WWOX: variants seen among roughly 807,000 people sequenced by gnomAD.
WWOX encodes the protein WW domain containing oxidoreductase.
In WWOX, 69 loss-of-function variants were observed where a neutral mutation model predicts 46.2. The ratio of observed to expected loss-of-function variants is 1.49; its 90% CI spans 1.23 to 1.82. WWOX has a LOEUF of 1.82. Among genes scored for constraint, WWOX ranks in the 40% most tolerant of loss-of-function variants. The pLI is 0.00. For missense variants in WWOX, 919 were observed against 542.6 expected, an observed-to-expected ratio of 1.69 and a Z score of -6.89; for synonymous variants, 359 against 202.6, an observed-to-expected ratio of 1.77 and a Z score of -6.56.
intron 8 of WWOX, among the ~76,000 whole-genome samples, chr16:78,741,009 T>G (rs1205717929): frequency 6.6e-6 from 1 of 152,254 alleles, no homozygotes; most frequent in South Asian, 2.1e-4. Context: ...CTAAGTGGGA[T>G]ACACCACGAT....
At position 78,220,695 on chromosome 16, in the gene WWOX, T is replaced by C. The variant is rs546838877; in HGVS notation, c.516+56406T>C. Among the ~76,000 whole-genome samples, 4 of 152,326 alleles carry C rather than the reference T, an allele frequency of 2.6e-5. No individual in the cohort carries two copies. In the South Asian group the frequency reaches 8.3e-4, roughly 32 times the overall value. Reference sequence around the variant, plus strand: ...AGTGAACCATTTACTTTTCTTTTAATGTGGAAAGCAGTTTACAAATGCTGG... The same window carrying C: ...AGTGAACCATTTACTTTTCTTTTAACGTGGAAAGCAGTTTACAAATGCTGG... On this transcript the variant is annotated intron_variant, in intron 5 of 8. Coordinates refer to ENST00000566780, the MANE Select transcript of WWOX (RefSeq NM_016373.4).
intron 8 of WWOX, among the ~76,000 whole-genome samples, chr16:78,934,753 A>G (rs1159887521): frequency 6.6e-6 from 1 of 152,128 alleles, no homozygotes; most frequent in African/African-American, 2.4e-5. Flanking sequence ...GACATGATAA[A>G]AAATGTGTTC....
At chr16:78,418,144 A>C (rs553544647) in intron 6 of WWOX, among the ~76,000 whole-genome samples, 37 of 151,914 alleles carry the variant, frequency 2.4e-4, no homozygotes, top group Admixed American at 2.3e-3. Context: ...GTGGATCACG[A>C]GGTCAGGAGG....
intron 8 of WWOX, among the ~76,000 whole-genome samples, chr16:79,082,303 G>A (rs759028439): frequency 6.6e-6 from 1 of 152,312 alleles, no homozygotes; most frequent in East Asian, 1.9e-4. Flanking sequence ...ACCCGTTTCT[G>A]CTTCTTCCCA....
At position 79,102,708 on chromosome 16, in the gene WWOX, C is replaced by T. The variant is rs959943731; in HGVS notation, c.1057-108900C>T. On this transcript the variant is annotated intron_variant, in intron 8 of 8. Coordinates refer to ENST00000566780, the MANE Select transcript of WWOX (RefSeq NM_016373.4). ...ATAAAGATGTCAAGTCTTTTGGACA[C>T]AATCCTAATATCTCGGAGGTTCTGA... Among the ~76,000 whole-genome samples the T allele has an allele frequency of 9.2e-5, 14 of 151,988 alleles. 1 individual carries two copies. The highest frequency in any genetic ancestry group is 8.5e-4 in the Admixed American group (13 of 15,270).
At chr16:78,554,250 A>G (rs995598354) in intron 8 of WWOX, among the ~76,000 whole-genome samples, 1 of 152,138 alleles carries the variant, frequency 6.6e-6, no homozygotes, top group Non-Finnish European at 1.5e-5. Flanking sequence ...GAAGAGAAGA[A>G]CTGTCAAGAT....
At chr16:78,678,773 T>G (rs28685224) in intron 8 of WWOX, among the ~76,000 whole-genome samples, 286 of 152,288 alleles carry the variant, frequency 1.9e-3, no homozygotes, top group African/African-American at 6.8e-3. Flanking sequence ...AGATCTCTTC[T>G]TGTGCGTGGC....
chr16:78,184,378 A>C (rs929539803), intron 5 of WWOX, among the ~76,000 whole-genome samples: 6 of 152,194 alleles, frequency 3.9e-5, no homozygotes, highest in African/African-American at 1.4e-4. Context: ...TGACCTCATT[A>C]TCATCATGCT....
At position 78,479,071 on chromosome 16, in the gene WWOX, G is replaced by T. The variant is rs530640198; in HGVS notation, c.1056+46319G>T. On this transcript the variant is annotated intron_variant, in intron 8 of 8. Transcript: ENST00000566780. ...GGCTTCCTAAAATATAAGTAAGTCAGATTTAGCATTACTGTTTTCCTGAAT... is the reference window on the plus strand; with the variant it reads ...GGCTTCCTAAAATATAAGTAAGTCATATTTAGCATTACTGTTTTCCTGAAT... 2.0e-5 allele frequency among the ~76,000 whole-genome samples: 3 copies of T among 152,194 alleles called. No individual in the cohort carries two copies. The South Asian group carries it at 6.2e-4, about 32-fold the overall frequency.
At chr16:78,704,569 A>G (rs1261053220) in intron 8 of WWOX, among the ~76,000 whole-genome samples, 1 of 152,204 alleles carries the variant, frequency 6.6e-6, no homozygotes, top group African/African-American at 2.4e-5. Flanking sequence ...TCTAATCCAT[A>G]AAAGCCGTTT....
intron 8 of WWOX, among the ~76,000 whole-genome samples, chr16:79,033,847 A>T (rs138048559): frequency 7.0e-4 from 106 of 152,308 alleles, no homozygotes; most frequent in African/African-American, 2.5e-3. Context: ...TGACTTATTT[A>T]TGATACTGGA....
intron 8 of WWOX, among the ~76,000 whole-genome samples, chr16:79,122,578 C>G (rs1274487202): frequency 6.6e-6 from 1 of 151,514 alleles, no homozygotes; most frequent in Non-Finnish European, 1.5e-5. Flanking sequence ...TTCTTTCCCT[C>G]TCTCTTTCTC....
intron 6 of WWOX, among the ~76,000 whole-genome samples, chr16:78,414,466 G>A (rs1045789279): frequency 5.6e-4 from 85 of 152,322 alleles, no homozygotes; most frequent in African/African-American, 2.0e-3. Flanking sequence ...CTACTCAGGA[G>A]GTTGAGGCAC....
intron 8 of WWOX, among the ~76,000 whole-genome samples, chr16:79,120,969 A>G (rs1459534096): frequency 1.3e-5 from 2 of 152,122 alleles, no homozygotes; most frequent in Admixed American, 1.3e-4. Flanking sequence ...AGGTTTCACC[A>G]TGTTGGCCAG....
chr16:78,816,205 G>A (rs184848388), intron 8 of WWOX, among the ~76,000 whole-genome samples: 2 of 152,268 alleles, frequency 1.3e-5, no homozygotes, highest in Admixed American at 6.5e-5. Flanking sequence ...AAGAATTGAT[G>A]TAAAATTTGG....
chr16:78,596,726 G>T (rs188130533), intron 8 of WWOX, among the ~76,000 whole-genome samples: 1 of 152,174 alleles, frequency 6.6e-6, no homozygotes, highest in Admixed American at 6.6e-5. Context: ...GAAAGTAAGC[G>T]AAGCCCTTTC....
chr16:78,865,251 C>G (rs1231973249), intron 8 of WWOX, among the ~76,000 whole-genome samples: 4 of 152,018 alleles, frequency 2.6e-5, no homozygotes, highest in Non-Finnish European at 5.9e-5. Flanking sequence ...TTACTCTCTT[C>G]CTTTATTTTT....
At chr16:78,792,241 C>T (rs370597326) in intron 8 of WWOX, among the ~76,000 whole-genome samples, 1 of 152,186 alleles carries the variant, frequency 6.6e-6, no homozygotes, top group South Asian at 2.1e-4. Flanking sequence ...GCTCATCTTT[C>T]TCACGAGTCT....
chr16:78,462,716 A>G (rs899736424), intron 8 of WWOX, among the ~76,000 whole-genome samples: 7 of 152,234 alleles, frequency 4.6e-5, no homozygotes, highest in African/African-American at 1.4e-4. Context: ...TAACATCTTA[A>G]TACAAACTGG....
Sources: allele counts gnomAD v4.1 joint callset (sites outside exome capture counted in the v4.1 genomes callset), GRCh38; gene constraint gnomAD v4.1.1; transcripts MANE v1.5; gene names NCBI Gene and HGNC (gene_info 2026-07-23, HGNC 2026-07-21).